The following DNAJA1 variants were observed in gnomAD, a reference collection of about 807,000 sequenced individuals.
DNAJA1 encodes the protein dnaJ homolog subfamily A member 1.
In DNAJA1, 26 loss-of-function variants were observed where a neutral mutation model predicts 47.6. The observed-to-expected ratio is 0.55, with a 90% confidence interval of 0.40 to 0.76. DNAJA1 has a LOEUF of 0.76. DNAJA1 is among the 30% of genes least tolerant of loss of function. DNAJA1 has a pLI of 0.00. For missense variants in DNAJA1, 315 were observed against 485.0 expected (o/e 0.65, Z 3.29); for synonymous variants, 165 against 158.4 (o/e 1.04, Z -0.31).
chr9:33,033,511 G>A (rs1032798324), intron 5 of DNAJA1, among the ~76,000 whole-genome samples: 6 of 151,796 alleles, frequency 4.0e-5, no homozygotes, highest in African/African-American at 7.3e-5. Context: ...CAGCCTGAGC[G>A]ACATGAGAAC....
rs1339358422 is a variant in DNAJA1, at chr9:33,026,973, T to C, written c.293T>C (p.Met98Thr). ...ATGTTTTTTGGAGGAGGAGGAAGGA[T>C]GCAGAGAGAAAGGAGAGGTAAGAAG... ...FDMFFGGGGRMQRERRGKNVV... is the reference protein window; with the variant it reads ...FDMFFGGGGRTQRERRGKNVV... Residue 98 changes from methionine to threonine, a missense_variant, in exon 3 of 9, where the codon ATG becomes ACG. Met to Thr is a moderately conservative substitution (Grantham distance 81, BLOSUM62 -1). This residue lies in a region of DNAJA1 where 100 missense variants were observed against 163.0 expected (regional missense o/e 0.61). Transcript: ENST00000330899. The C allele has an allele frequency of 6.2e-7, 1 of 1,614,114 alleles. No homozygotes were observed. The highest frequency in any genetic ancestry group is 2.2e-5 in the East Asian group (1 of 44,884).
At position 33,030,628 on chromosome 9, in the gene DNAJA1, G is replaced by C. The variant is rs920430078; in HGVS notation, c.604G>C (p.Val202Leu). 6.2e-7 allele frequency: 1 copy of C among 1,613,860 alleles called. No individual in the cohort carries two copies. Among genetic ancestry groups the C allele is most frequent in the Non-Finnish European group, 8.5e-7 (1 of 1,179,958 alleles). ...TAAAAGCTGCAACGGAAGGAAGATA[G>C]TTCGAGAGAAGAAAATTTTAGAAGT... Reference protein sequence around the residue: ...RCKSCNGRKIVREKKILEVHI... With the variant: ...RCKSCNGRKILREKKILEVHI... Residue 202 changes from valine to leucine, a missense_variant, in exon 5 of 9, where the codon GTT (valine) becomes CTT (leucine). Physicochemically the swap from Val to Leu is conservative, Grantham distance 32. Transcript: ENST00000330899.
At chr9:33,028,838 A>T (rs1349637403) in intron 3 of DNAJA1, among the ~76,000 whole-genome samples, 5 of 152,258 alleles carry the variant, frequency 3.3e-5, no homozygotes, top group African/African-American at 1.2e-4. Context: ...CTAAAGGTGG[A>T]ACTATAAGCA....
chr9:33,028,582 C>CCA (rs1441868695), intron 3 of DNAJA1, among the ~76,000 whole-genome samples: 1 of 152,184 alleles, frequency 6.6e-6, no homozygotes, highest in African/African-American at 2.4e-5. Context: ...AAAAGAAAGT[C>CCA]CACAATCCAA....
chr9:33,025,637 C>A (rs930471325), intron 1 of DNAJA1, among the ~76,000 whole-genome samples: 1 of 152,188 alleles, frequency 6.6e-6, no homozygotes, highest in Admixed American at 6.5e-5. Flanking sequence ...GAGCTACTGT[C>A]TTCGGCTGCC....
In DNAJA1 at chr9:33,038,781, A is replaced by G. The variant is rs1282618717; in HGVS notation, c.1072A>G (p.Met358Val). 1.2e-6 allele frequency: 2 copies of G among 1,614,178 alleles called. No homozygotes were observed. The highest frequency in any genetic ancestry group is 1.7e-6 in the Non-Finnish European group (2 of 1,180,030). Residue 358 changes from methionine to valine, a missense_variant, in exon 9 of 9, where the codon ATG (methionine) becomes GTG (valine). Transcript: ENST00000330899. Reference sequence around the variant, plus strand: ...GAAGGAAGTGGAAGAGACTGATGAGATGGACCAAGTAGAACTGGTGGACTT... The same window carrying G: ...GAAGGAAGTGGAAGAGACTGATGAGGTGGACCAAGTAGAACTGGTGGACTT... The part of the protein sequence containing the change: ...ERKEVEETDE[M>V]DQVELVDFDP...
chr9:33,027,090 G>A, intron 3 of DNAJA1, 100 bp downstream of exon 3: 3 of 1,412,940 alleles, frequency 2.1e-6, no homozygotes, highest in Non-Finnish European at 2.9e-6. Context: ...TTACATGTTG[G>A]TATAATGTTG....
In DNAJA1 at chr9:33,037,988, T is replaced by C. The variant is rs1394143610; in HGVS notation, c.976-697T>C. On this transcript the variant is annotated intron_variant, in intron 8 of 8. Coordinates refer to ENST00000330899, the MANE Select transcript of DNAJA1 (RefSeq NM_001539.4). ...AAATTGGCCTGTCACCATAAAAATA[T>C]TAATTAAAACTTTTTTTTTTTTTTT... is the stretch of plus-strand genomic sequence containing the variant. Among the ~76,000 whole-genome samples the C allele has an allele frequency of 5.4e-5, 8 of 148,670 alleles. No individual in the cohort carries two copies. The Admixed American group carries it at 5.4e-4, about 10-fold the overall frequency.
intron 5 of DNAJA1, 66 bp from the exon 6 acceptor site, chr9:33,034,150 A>T (rs1321082020): frequency 3.3e-5 from 37 of 1,131,946 alleles, no homozygotes; most frequent in Non-Finnish European, 7.5e-6. Context: ...ATCTATGTAT[A>T]GATTTTATGA....
Position 33,038,960 on chromosome 9 carries a change from A to G in DNAJA1, c.*57A>G, listed in dbSNP as rs1321123173. The G allele has an allele frequency of 6.9e-7, 1 of 1,449,304 alleles. No individual in the cohort carries two copies. The highest frequency in any genetic ancestry group is 1.4e-5 in the African/African-American group (1 of 71,108). 89.8% of individuals were successfully genotyped at this position (1,449,304 alleles called of 1,614,324 possible). On this transcript the variant is annotated 3_prime_UTR_variant, in exon 9 of 9. Coordinates refer to ENST00000330899, the MANE Select transcript of DNAJA1 (RefSeq NM_001539.4). ...TTAATGTGCAGTAGTGAATGAGTGA[A>G]GGACTGTAATCATAATATGCTCACT...
chr9:33,026,389 T>C (rs1838850446), intron 1 of DNAJA1, 86 bp from the exon 2 acceptor site: 1 of 1,442,480 alleles, frequency 6.9e-7, no homozygotes, highest in South Asian at 1.3e-5. Flanking sequence ...AATCGGATTT[T>C]GCAAAGAGAT....
Position 33,030,006 on chromosome 9 carries a change from T to C in DNAJA1, c.415+17T>C. On this transcript the variant is annotated intron_variant, in intron 4 of 8. Transcript: ENST00000330899. The stretch of plus-strand genomic sequence containing the variant: ...AATGTGAAGGTACGGTGTTTTTTTG[T>C]TTTGTTTTGTTTTGTTTTTAAGCAC... 2 of 1,599,196 alleles carry C rather than the reference T, an allele frequency of 1.3e-6. No homozygotes were observed. Among genetic ancestry groups the C allele is most frequent in the Non-Finnish European group, 1.7e-6 (2 of 1,172,360 alleles).
At chr9:33,030,783 G>A in intron 5 of DNAJA1, 116 bp downstream of exon 5, 1 of 914,674 alleles carries the variant, frequency 1.1e-6, no homozygotes, top group South Asian at 1.8e-5. Context: ...CTATCAATCA[G>A]AAATAACTCT....
intron 8 of DNAJA1, 38 bp from the exon 9 acceptor site, chr9:33,038,647 G>A (rs773063526): frequency 6.3e-7 from 1 of 1,588,526 alleles, no homozygotes; most frequent in Admixed American, 1.7e-5. Context: ...GGGAGCTAAT[G>A]ATGAAATCAG....
intron 1 of DNAJA1, 127 bp from the exon 2 acceptor site, chr9:33,026,348 T>A: frequency 1.1e-6 from 1 of 910,646 alleles, no homozygotes; most frequent in Non-Finnish European, 1.6e-6. Flanking sequence ...GTTACCTTTT[T>A]GGTGAAATTT....
At chr9:33,027,443 C>T (rs1195665017) in intron 3 of DNAJA1, among the ~76,000 whole-genome samples, 1 of 151,946 alleles carries the variant, frequency 6.6e-6, no homozygotes, top group Non-Finnish European at 1.5e-5. Flanking sequence ...CAGGTGTGAG[C>T]CACCATGCCC....
intron 5 of DNAJA1, among the ~76,000 whole-genome samples, chr9:33,031,687 T>C (rs1838963755): frequency 6.6e-6 from 1 of 152,180 alleles, no homozygotes; most frequent in Admixed American, 6.5e-5. Context: ...TGCCTTGGCC[T>C]CCTAAAATGC....
At chr9:33,028,529 C>A (rs1335878714) in intron 3 of DNAJA1, among the ~76,000 whole-genome samples, 4 of 152,112 alleles carry the variant, frequency 2.6e-5, no homozygotes, top group Non-Finnish European at 5.9e-5. Context: ...TAAAGATCTT[C>A]AAGGAAAGGA....
At chr9:33,025,480 G>C (rs1046459450) in intron 1 of DNAJA1, 97 bp downstream of exon 1, 1 of 152,528 alleles carries the variant, frequency 6.6e-6, no homozygotes, top group African/African-American at 2.4e-5. Context: ...TTGGCCGCGT[G>C]GGTAGGACCG....
Sources: gnomAD v4.1 joint callset for allele counts (sites outside exome capture counted in the v4.1 genomes callset) on GRCh38, gnomAD v4.1.1 for gene constraint, gnomAD v4.1.1 regional missense constraint, MANE v1.5 for transcripts, NCBI Gene and HGNC (gene_info 2026-07-23, HGNC 2026-07-21) for gene names.